Variants in C8orf89 observed in about 807,000 individuals in gnomAD.
C8orf89 encodes the protein putative uncharacterized protein C8orf89.
In C8orf89, 14 loss-of-function variants were observed where a neutral mutation model predicts 15.8. The ratio of observed to expected loss-of-function variants is 0.89; its 90% CI spans 0.59 to 1.39. C8orf89 has a LOEUF of 1.39. Among genes scored for constraint, C8orf89 ranks in the 40% most tolerant of loss-of-function variants. C8orf89 has a pLI of 0.00. For synonymous variants in C8orf89, 55 were observed against 62.2 expected, an observed-to-expected ratio of 0.88 and a Z score of 0.54; for missense variants, 181 against 184.5, an observed-to-expected ratio of 0.98 and a Z score of 0.11.
chr8:73,249,027 T>C (rs1029279042), intron 3 of C8orf89, among the ~76,000 whole-genome samples: 4 of 152,134 alleles, frequency 2.6e-5, no homozygotes, highest in African/African-American at 9.7e-5. Flanking sequence ...TTTTTAAGCT[T>C]TTGCCCATTC....
upstream of C8orf89, among the ~76,000 whole-genome samples, chr8:73,264,059 G>T (rs759227660): frequency 1.4e-4 from 22 of 152,028 alleles, no homozygotes; most frequent in Non-Finnish European, 3.1e-4. Flanking sequence ...TCTCACACCC[G>T]TATTTTTTCC....
intron 3 of C8orf89, among the ~76,000 whole-genome samples, chr8:73,245,370 G>A (rs984486550): frequency 6.6e-6 from 1 of 152,206 alleles, no homozygotes; most frequent in African/African-American, 2.4e-5. Flanking sequence ...GTGTAATGGA[G>A]CAAAAGTTGT....
intron 1 of C8orf89, among the ~76,000 whole-genome samples, chr8:73,257,543 C>A (rs1260839154): frequency 6.6e-6 from 1 of 152,262 alleles, no homozygotes; most frequent in East Asian, 1.9e-4. Context: ...AACAGATGAT[C>A]ATCTTAGCTA....
At chr8:73,283,322 C>T in the C8orf89 span, among the ~76,000 whole-genome samples, 1 of 152,168 alleles carries the variant, frequency 6.6e-6, no homozygotes, top group Non-Finnish European at 1.5e-5. Flanking sequence ...CCTTAAGTCA[C>T]CCAATGAAAC....
At chr8:73,281,476 T>C in the C8orf89 span, among the ~76,000 whole-genome samples, 4 of 152,204 alleles carry the variant, frequency 2.6e-5, no homozygotes, top group Admixed American at 2.6e-4. Flanking sequence ...TGCATTGTGC[T>C]AGTAGTTGTA....
the C8orf89 span, chr8:73,277,277 T>C: frequency 1.8e-6 from 1 of 564,932 alleles, no homozygotes; most frequent in South Asian, 2.9e-5. Context: ...TCTCACTCCT[T>C]AGGGACACAA....
intron 3 of C8orf89, among the ~76,000 whole-genome samples, chr8:73,248,526 T>C (rs1021145887): frequency 6.6e-6 from 1 of 152,076 alleles, no homozygotes; most frequent in Admixed American, 6.5e-5. Flanking sequence ...TAAATTGCTT[T>C]GGGTAGTATA....
In C8orf89 at chr8:73,252,528, C is replaced by T. The variant is rs187065561; in HGVS notation, c.282-2205G>A. Reference sequence around the variant, plus strand: ...GGGTAGATTATCAAATAATTATTTTCCTTTTTTTCTGCAAAGTTCTTATTC... The same window carrying T: ...GGGTAGATTATCAAATAATTATTTTTCTTTTTTTCTGCAAAGTTCTTATTC... On this transcript the variant is annotated intron_variant, in intron 2 of 3. Transcript: ENST00000624510. 3.0e-3 allele frequency among the ~76,000 whole-genome samples: 458 copies of T among 152,038 alleles called. 4 individuals carry two copies. Among genetic ancestry groups the T allele is most frequent in the African/African-American group, 0.01 (425 of 41,500 alleles).
chr8:73,283,440 C>T, the C8orf89 span, among the ~76,000 whole-genome samples: 1 of 152,150 alleles, frequency 6.6e-6, no homozygotes, highest in Non-Finnish European at 1.5e-5. Context: ...TCAAGAGCTA[C>T]AGAACCACAG....
chr8:73,259,713 TATC>T (rs1813487712), upstream of C8orf89, among the ~76,000 whole-genome samples: 1 of 152,120 alleles, frequency 6.6e-6, no homozygotes, highest in Non-Finnish European at 1.5e-5. Flanking sequence ...TCAAAAACAT[TATC>T]ATTATAAAAT....
At chr8:73,258,628 A>ATTTT (rs10691611) in intron 1 of C8orf89, among the ~76,000 whole-genome samples, 1,513 of 137,300 alleles carry the variant, frequency 0.011, 17 homozygotes, top group Non-Finnish European at 0.016. Flanking sequence ...TTTGGTTAGA[A>ATTTT]TTTTTTTTTT....
intron 3 of C8orf89, among the ~76,000 whole-genome samples, chr8:73,243,820 G>A (rs2925449): frequency 0.057 from 8,696 of 152,056 alleles, 325 homozygotes; most frequent in East Asian, 0.13. Flanking sequence ...ATGAGCCACC[G>A]CACTCAGTTT....
chr8:73,262,038 C>T (rs1813539080), upstream of C8orf89, among the ~76,000 whole-genome samples: 1 of 152,090 alleles, frequency 6.6e-6, no homozygotes, highest in Non-Finnish European at 1.5e-5. Context: ...TTGCTAAAGA[C>T]TTGAGAAAAC....
chr8:73,258,620 T>G (rs948853066), intron 1 of C8orf89, among the ~76,000 whole-genome samples: 5 of 146,050 alleles, frequency 3.4e-5, no homozygotes, highest in African/African-American at 1.4e-4. Flanking sequence ...AATAAAGTTT[T>G]GGTTAGAATT....
At chr8:73,280,706 C>CAT in the C8orf89 span, among the ~76,000 whole-genome samples, 46 of 150,864 alleles carry the variant, frequency 3.0e-4, no homozygotes, top group African/African-American at 5.6e-4. Context: ...CATACATATA[C>CAT]ATATATATAT....
In C8orf89 at chr8:73,241,503, G is replaced by A; in HGVS notation, c.440C>T (p.Thr147Ile). 6.5e-7 allele frequency: 1 copy of A among 1,530,878 alleles called. No individual in the cohort carries two copies. The highest frequency in any genetic ancestry group is 1.2e-5 in the South Asian group (1 of 83,246). The allele number at this position is 1,530,878 out of a possible 1,614,324, so 94.8% of individuals were successfully genotyped here. Residue 147 changes from threonine (T) to isoleucine (I), a missense_variant, in exon 4 of 4, where the codon ACC (threonine) becomes ATC (isoleucine). By Grantham distance (89) the Thr-to-Ile change is moderately conservative. Transcript: ENST00000624510. ...LEYDTIRQET[T>I]TKSKKSKKRD... The stretch of plus-strand genomic sequence containing the variant: ...TTTCTTGCTTTTTTTTGATTTTGTG[G>A]TTGTTTCCTGACGAATGGTATCATA...
the C8orf89 span, chr8:73,277,518 G>A: frequency 1.3e-6 from 1 of 775,032 alleles, no homozygotes. Flanking sequence ...TGAGGATGAA[G>A]CCTTCTCCTT....
intron 2 of C8orf89, among the ~76,000 whole-genome samples, chr8:73,256,130 A>AAT (rs1813377066): frequency 6.8e-6 from 1 of 147,980 alleles, no homozygotes; most frequent in Non-Finnish European, 1.5e-5. Context: ...AATAAATAAC[A>AAT]AATAATAATA....
In C8orf89 at chr8:73,241,448, C is replaced by A. The variant is rs886938743; in HGVS notation, c.*9G>T. ...TCACTGAAGAAAGCATCACACTGTACGACATTTTTCAGCGGTCTCGGAGGT... is the reference window on the plus strand; with the variant it reads ...TCACTGAAGAAAGCATCACACTGTAAGACATTTTTCAGCGGTCTCGGAGGT... On this transcript the variant is annotated 3_prime_UTR_variant, in exon 4 of 4. Coordinates refer to ENST00000624510, the MANE Select transcript of C8orf89 (RefSeq NM_001243237.3). 1.4e-5 allele frequency: 21 copies of A among 1,517,556 alleles called. No homozygotes were observed. Among genetic ancestry groups the A allele is most frequent in the Non-Finnish European group, 1.8e-5 (20 of 1,137,198 alleles). 94.0% of individuals were successfully genotyped at this position (1,517,556 alleles called of 1,614,324 possible).
Sources: gnomAD v4.1 joint callset for allele counts (sites outside exome capture counted in the v4.1 genomes callset) on GRCh38, gnomAD v4.1.1 for gene constraint, MANE v1.5 for transcripts, NCBI Gene and HGNC (gene_info 2026-07-23, HGNC 2026-07-21) for gene names.